CC2D2B: variants seen among roughly 807,000 people sequenced by gnomAD.
CC2D2B encodes the protein protein CC2D2B.
CC2D2B carries 128 observed loss-of-function variants against 161.2 expected under a neutral mutation model. The observed-to-expected ratio is 0.79, with a 90% CI of 0.69 to 0.92. The LOEUF (loss-of-function observed/expected upper bound fraction) is 0.92. Among genes scored for constraint, CC2D2B ranks in the 40% least tolerant of loss-of-function variants. The pLI is 0.00. For missense variants in CC2D2B, 1,173 were observed against 1,375.1 expected (o/e 0.85, Z 2.32); for synonymous variants, 391 against 449.8 (o/e 0.87, Z 1.65).
At position 95,988,231 on chromosome 10, in the gene CC2D2B, C is replaced by A; in HGVS notation, c.2287-19C>A. The A allele has an allele frequency of 2.9e-6, 3 of 1,050,884 alleles. No individual in the cohort carries two copies. Among genetic ancestry groups the A allele is most frequent in the Non-Finnish European group, 3.7e-6 (3 of 821,482 alleles). The allele number at this position is 1,050,884 out of a possible 1,614,324, so 65.1% of individuals were successfully genotyped here. A position where few individuals can be genotyped will look rare whatever the true frequency, so the allele number is the denominator to read the frequency against. ...TCTTTGTTACATTCAAGAAGTGAAA[C>A]TAACAATTCTGTATTTAGGAGTATG... On this transcript the variant is annotated intron_variant, in intron 19 of 34. Transcript: ENST00000646931.
chr10:96,011,911 C>T (rs938146974), intron 26 of CC2D2B, among the ~76,000 whole-genome samples: 4 of 152,090 alleles, frequency 2.6e-5, no homozygotes, highest in East Asian at 1.9e-4. Context: ...AGAGCTTTAT[C>T]GCTGGTATCG....
chr10:95,931,079 T>C (rs2141225440), intron 6 of CC2D2B, among the ~76,000 whole-genome samples: 1 of 152,332 alleles, frequency 6.6e-6, no homozygotes, highest in African/African-American at 2.4e-5. Flanking sequence ...TATTGGTCTA[T>C]TCAGGGATTC....
At chr10:95,972,707 T>C (rs1237726680) in intron 16 of CC2D2B, among the ~76,000 whole-genome samples, 1 of 152,212 alleles carries the variant, frequency 6.6e-6, no homozygotes, top group Non-Finnish European at 1.5e-5. Flanking sequence ...TTTTGGGAAA[T>C]TTCAAATGAG....
chr10:95,997,863 G>A (rs117550625), intron 24 of CC2D2B, among the ~76,000 whole-genome samples: 5,183 of 152,266 alleles, frequency 0.034, 125 homozygotes, highest in Middle Eastern at 0.075. Flanking sequence ...GAATTGCTAG[G>A]TTGTAGCTGA....
rs140354197 is a variant in CC2D2B at position 95,992,666 on chromosome 10, A to G, written c.2611A>G (p.Asn871Asp). The G allele has an allele frequency of 1.8e-3, 2,213 of 1,234,262 alleles. 3 individuals carry two copies. The highest frequency in any genetic ancestry group is 2.0e-3 in the Non-Finnish European group (2,013 of 988,060). The allele number at this position is 1,234,262 out of a possible 1,614,324, so 76.5% of individuals were successfully genotyped here. A position where few individuals can be genotyped will look rare whatever the true frequency, so the allele number is the denominator to read the frequency against. Residue 871 changes from asparagine (N) to aspartate (D), a missense_variant, in exon 22 of 35, where the codon AAT becomes GAT. Physicochemically the swap from Asn to Asp is conservative, Grantham distance 23. Transcript: ENST00000646931. ...TCTTGTCCGAATAGTGAGGGCCTAT[A>G]ATATTCCTACCAGAAAAACAACAAT... The part of the protein sequence containing the change: ...KILVRIVRAY[N>D]IPTRKTTING...
At chr10:95,951,637 A>C (rs1172074953) in intron 10 of CC2D2B, among the ~76,000 whole-genome samples, 1 of 152,214 alleles carries the variant, frequency 6.6e-6, no homozygotes, top group Non-Finnish European at 1.5e-5. Flanking sequence ...TCATTTAAAA[A>C]GTGATTTGAT....
intron 32 of CC2D2B, 153 bp downstream of exon 32, chr10:96,019,977 C>A: frequency 1.7e-6 from 1 of 596,796 alleles, no homozygotes; most frequent in South Asian, 2.9e-5. Flanking sequence ...TGCCATCCAG[C>A]TCACAGGCTC....
chr10:96,020,349 TG>T (rs1214302374), intron 32 of CC2D2B: 1 of 153,080 alleles, frequency 6.5e-6, no homozygotes, highest in African/African-American at 2.4e-5. Context: ...GGGACTGTGG[TG>T]GGGCTACTTT....
At chr10:95,928,103 CCTGT>C (rs1272191826) in intron 6 of CC2D2B, among the ~76,000 whole-genome samples, 1 of 152,134 alleles carries the variant, frequency 6.6e-6, no homozygotes, top group Non-Finnish European at 1.5e-5. Flanking sequence ...CTCAGGTCCC[CCTGT>C]CAAGTCCCTC....
intron 26 of CC2D2B, among the ~76,000 whole-genome samples, 197 bp from the exon 27 acceptor site, chr10:96,011,988 G>A (rs2079012915): frequency 6.6e-6 from 1 of 151,918 alleles, no homozygotes. Context: ...ATTAGGCAGG[G>A]ACCCAAGGTG....
chr10:95,950,103 A>T lies in CC2D2B; in HGVS notation c.1009A>T (p.Lys337Ter), dbSNP rs2076348533. 2.5e-6 allele frequency: 1 copy of T among 398,762 alleles called. No homozygotes were observed. The highest frequency in any genetic ancestry group is 4.4e-6 in the Non-Finnish European group (1 of 225,912). The allele number at this position is 398,762 out of a possible 1,614,324, so 24.7% of individuals were successfully genotyped here. The change falls in exon 10 of 35, where the codon AAG becomes TAG. Residue 337 changes from lysine to a stop codon, truncating the protein, a stop_gained and splice_region_variant. Transcript: ENST00000646931. LOFTEE classifies it high-confidence loss of function. ...GAATGTATCTCAGCTGCTTTATGAG[A>T]AGGTGAGAATGGCTTTCATTATAAA... ...QQNVSQLLYE[K>*]LKALTDATKL...
intron 30 of CC2D2B, among the ~76,000 whole-genome samples, chr10:96,016,732 T>G (rs1266198179): frequency 6.6e-6 from 1 of 152,212 alleles, no homozygotes; most frequent in Admixed American, 6.5e-5. Flanking sequence ...TTTATTTTTG[T>G]TTTTTGAGAT....
At chr10:95,945,828 A>G (rs1009227289) in intron 9 of CC2D2B, among the ~76,000 whole-genome samples, 7 of 121,258 alleles carry the variant, frequency 5.8e-5, no homozygotes, top group African/African-American at 1.9e-4. Context: ...CTTTTTGCCC[A>G]GGCTGGAGTG....
At chr10:95,977,301 G>C (rs2077354598) in intron 17 of CC2D2B, among the ~76,000 whole-genome samples, 1 of 152,142 alleles carries the variant, frequency 6.6e-6, no homozygotes, top group South Asian at 2.1e-4. Flanking sequence ...CTTGAACCTG[G>C]GAAGCGGTGA....
intron 32 of CC2D2B, 69 bp downstream of exon 32, chr10:96,019,893 C>G (rs922314432): frequency 2.1e-4 from 290 of 1,374,474 alleles, no homozygotes; most frequent in Non-Finnish European, 2.7e-4. Context: ...CTAATTGTGA[C>G]AGCTCTTATT....
rs149461981 is a variant in CC2D2B at position 95,928,463 on chromosome 10, G to A, written c.336+1131G>A. 8.5e-3 allele frequency among the ~76,000 whole-genome samples: 1,295 copies of A among 152,096 alleles called. 72 individuals carry two copies. Among genetic ancestry groups the A allele is most frequent in the Admixed American group, 0.079 (1,209 of 15,274 alleles). On this transcript the variant is annotated intron_variant, in intron 6 of 34. Coordinates refer to ENST00000646931, the MANE Select transcript of CC2D2B (RefSeq NM_001349008.3). ...TGGGATACATGTGCTGAACTTGCAG[G>A]TTTGTTACATAGGTATACAGGTGCC...
chr10:95,916,654 C>T, intron 2 of CC2D2B, among the ~76,000 whole-genome samples: 1 of 152,086 alleles, frequency 6.6e-6, no homozygotes, highest in East Asian at 1.9e-4. Flanking sequence ...AGCCACTGGT[C>T]ATTCAGAGGC....
chr10:96,007,853 A>C (rs754176769), intron 25 of CC2D2B, among the ~76,000 whole-genome samples: 1 of 152,034 alleles, frequency 6.6e-6, no homozygotes, highest in Non-Finnish European at 1.5e-5. Context: ...GTGAATGCCA[A>C]TCCCTTTTAT....
Position 96,013,890 on chromosome 10 carries a change from A to T in CC2D2B, c.3516+13A>T. ...GATGACATCAGAGGTAATAAATTAC[A>T]TTTTATATATATAATTGAAATATAT... On this transcript the variant is annotated intron_variant, in intron 29 of 34. Coordinates refer to ENST00000646931, the MANE Select transcript of CC2D2B (RefSeq NM_001349008.3). 4 of 1,295,174 alleles carry T rather than the reference A, an allele frequency of 3.1e-6. No individual in the cohort carries two copies. The highest frequency in any genetic ancestry group is 4.2e-6 in the Non-Finnish European group (4 of 944,436). 80.2% of individuals were successfully genotyped at this position (1,295,174 alleles called of 1,614,324 possible).
Sources: allele counts gnomAD v4.1 joint callset (sites outside exome capture counted in the v4.1 genomes callset), GRCh38; gene constraint gnomAD v4.1.1; transcripts MANE v1.5; gene names NCBI Gene and HGNC (gene_info 2026-07-23, HGNC 2026-07-21).